The following PHF8 variants were observed in gnomAD, a reference collection of about 807,000 sequenced individuals.
PHF8 encodes histone lysine demethylase PHF8.
A neutral mutation model predicts 74.4 loss-of-function variants in PHF8; 9 were observed. That is an observed-to-expected ratio of 0.12 (90% CI 0.07 to 0.21). PHF8 has a LOEUF of 0.21. Among genes scored for constraint, PHF8 ranks in the 10% least tolerant of loss-of-function variants. The pLI is 1.00. For synonymous variants in PHF8, 311 were observed against 316.6 expected (o/e 0.98, Z 0.19); for missense variants, 478 against 816.6 (o/e 0.59, Z 5.05).
At chrX:54,042,943 G>C in intron 1 of PHF8, 123 bp from the exon 2 acceptor site, 2 of 583,918 alleles carry the variant, frequency 3.4e-6, no homozygotes, top group Non-Finnish European at 5.1e-6. Flanking sequence ...TGCGGCTGTA[G>C]GGGGCAACCA....
chrX:53,959,280 A>C (rs1285817658), intron 19 of PHF8, among the ~76,000 whole-genome samples: 1 of 111,475 alleles, frequency 9.0e-6, no homozygotes, highest in Non-Finnish European at 1.9e-5. Context: ...CCCCTCCCCT[A>C]TAAATGTACC....
At chrX:54,024,618 T>C (rs986641937) in intron 2 of PHF8, among the ~76,000 whole-genome samples, 18 of 111,889 alleles carry the variant, frequency 1.6e-4, no homozygotes, top group African/African-American at 5.9e-4. Flanking sequence ...CAGGCTTAAC[T>C]GAATGCAGCT....
At chrX:54,037,260 T>G (rs1201127255) in intron 2 of PHF8, among the ~76,000 whole-genome samples, 2 of 111,600 alleles carry the variant, frequency 1.8e-5, no homozygotes, top group Non-Finnish European at 3.8e-5. Context: ...TGTTTTCGGT[T>G]TTTTTGAGAC....
intron 19 of PHF8, among the ~76,000 whole-genome samples, chrX:53,944,813 G>T (rs781833090): frequency 8.9e-6 from 1 of 111,985 alleles, no homozygotes; most frequent in East Asian, 2.8e-4. Flanking sequence ...TTGTGGCCAG[G>T]AGTTCGAGAC....
chrX:54,020,886 T>C (rs2066158829), intron 4 of PHF8, among the ~76,000 whole-genome samples: 1 of 112,118 alleles, frequency 8.9e-6, no homozygotes, highest in Admixed American at 9.5e-5. Context: ...AGTTTGGAGA[T>C]TTCTCAAAGA....
chrX:53,943,240 T>C, intron 20 of PHF8: 2 of 931,370 alleles, frequency 2.1e-6, no homozygotes, highest in African/African-American at 2.0e-5. Context: ...TGCCAAAGAT[T>C]TAAACACTAT....
chrX:53,973,186 C>G (rs1343430129), intron 18 of PHF8, among the ~76,000 whole-genome samples: 7 of 111,867 alleles, frequency 6.3e-5, no homozygotes, highest in Admixed American at 4.8e-4. Context: ...TGCTCCTGGA[C>G]AGAAAGAATC....
intron 2 of PHF8, among the ~76,000 whole-genome samples, chrX:54,032,276 A>G (rs2066372220): frequency 9.0e-6 from 1 of 111,380 alleles, no homozygotes; most frequent in Admixed American, 9.6e-5. Flanking sequence ...GAATTGGCCT[A>G]ATCAGTTCCT....
intron 2 of PHF8, among the ~76,000 whole-genome samples, chrX:54,037,093 G>A (rs1338741024): frequency 9.1e-6 from 1 of 109,360 alleles, no homozygotes; most frequent in Non-Finnish European, 1.9e-5. Context: ...AACCAAAGGA[G>A]GAAAAAAATA....
intron 10 of PHF8, among the ~76,000 whole-genome samples, chrX:54,001,759 T>G (rs2065830894): frequency 9.1e-6 from 1 of 109,837 alleles, no homozygotes; most frequent in South Asian, 3.9e-4. Flanking sequence ...TACAAAAAAT[T>G]TACAAAATTA....
At chrX:53,974,745 CA>C (rs782145687) in intron 18 of PHF8, among the ~76,000 whole-genome samples, 26 of 112,127 alleles carry the variant, frequency 2.3e-4, no homozygotes, top group Non-Finnish European at 3.9e-4. Flanking sequence ...GGAACGACAT[CA>C]CGTCCACTGC....
chrX:54,024,794 T>C (rs2066238747), intron 2 of PHF8, among the ~76,000 whole-genome samples: 1 of 112,351 alleles, frequency 8.9e-6, no homozygotes, highest in African/African-American at 3.2e-5. Context: ...ACAGAATAAT[T>C]TTATATCCGT....
intron 18 of PHF8, among the ~76,000 whole-genome samples, chrX:53,972,186 A>G (rs967970385): frequency 1.8e-5 from 2 of 109,404 alleles, no homozygotes; most frequent in East Asian, 5.7e-4. Flanking sequence ...AGCTGGGCAT[A>G]GTGGTACGCA....
intron 2 of PHF8, among the ~76,000 whole-genome samples, chrX:54,032,387 C>T (rs1344435158): frequency 2.7e-5 from 3 of 110,739 alleles, no homozygotes; most frequent in African/African-American, 9.9e-5. Flanking sequence ...CTATTACTCT[C>T]CCCTCACTCA....
At chrX:53,971,836 A>C (rs2065296196) in intron 18 of PHF8, among the ~76,000 whole-genome samples, 1 of 111,647 alleles carries the variant, frequency 9.0e-6, no homozygotes, top group African/African-American at 3.3e-5. Context: ...TGAGGCAGTA[A>C]TAAATAGCCT....
At chrX:54,044,788 A>T, upstream of PHF8, 1 of 755,593 alleles carries the variant, frequency 1.3e-6, no homozygotes, top group South Asian at 2.6e-5. Context: ...CTCCTATGAG[A>T]GGAGGTGAAC....
At chrX:53,946,757 TTATA>T (rs1250688965) in intron 19 of PHF8, among the ~76,000 whole-genome samples, 1 of 112,327 alleles carries the variant, frequency 8.9e-6, no homozygotes, top group Non-Finnish European at 1.9e-5. Flanking sequence ...GGACTTGGAA[TTATA>T]TAAAGAATTA....
At chrX:53,986,573 A>G (rs1557099622) in intron 16 of PHF8, among the ~76,000 whole-genome samples, 3 of 112,597 alleles carry the variant, frequency 2.7e-5, no homozygotes. Flanking sequence ...AGGATGTTTA[A>G]GGTATTTCAA....
intron 19 of PHF8, among the ~76,000 whole-genome samples, chrX:53,956,675 CGTGTGT>C (rs376217153): frequency 3.4e-4 from 33 of 97,552 alleles, no homozygotes; most frequent in East Asian, 9.8e-4. Flanking sequence ...AAAATATGTG[CGTGTGT>C]GTGTGTGTGT....
Sources: gnomAD v4.1 joint callset for allele counts (sites outside exome capture counted in the v4.1 genomes callset) on GRCh38, gnomAD v4.1.1 for gene constraint, MANE v1.5 for transcripts, NCBI Gene and HGNC (gene_info 2026-07-23, HGNC 2026-07-21) for gene names.